The following MORC1 variants were observed in gnomAD, a reference collection of about 807,000 sequenced individuals.
The protein encoded by MORC1 is MORC family CW-type zinc finger 1, also known as MORC family CW-type zinc finger protein 1.
A neutral mutation model predicts 134.9 loss-of-function variants in MORC1; 59 were observed. The ratio of observed to expected loss-of-function variants is 0.44; its 90% confidence interval spans 0.35 to 0.54. The LOEUF (loss-of-function observed/expected upper bound fraction) is 0.54. Ranked by LOEUF, MORC1 falls within the 20% of genes least tolerant of loss-of-function variation. MORC1 has a pLI of 0.00. For synonymous variants in MORC1, 395 were observed against 391.7 expected, an observed-to-expected ratio of 1.01 and a Z score of -0.10; for missense variants, 947 against 1,134.5, an observed-to-expected ratio of 0.83 and a Z score of 2.37.
In MORC1 at chr3:108,959,043, C is replaced by T. The variant is rs1452679349; in HGVS notation, c.2877G>A (p.Gln959=). The change falls in exon 28 of 28, where the codon CAG becomes CAA. Residue 959 remains glutamine, a synonymous_variant. Coordinates refer to ENST00000232603, the MANE Select transcript of MORC1 (RefSeq NM_014429.4). ...CTATAGTTACTTTATTTAAATTGTT[C>T]TGGAAGAGAAGATTATCTTCTTTAA... The part of the protein sequence containing the change: ...ALLKEDNLLF[Q]NNLNKVTIDA... 6.4e-7 allele frequency: 1 copy of T among 1,564,872 alleles called. No individual in the cohort carries two copies. Among genetic ancestry groups the T allele is most frequent in the Non-Finnish European group, 8.6e-7 (1 of 1,156,788 alleles).
intron 8 of MORC1, among the ~76,000 whole-genome samples, chr3:109,083,453 A>G (rs536186051): frequency 4.9e-4 from 74 of 152,298 alleles, no homozygotes; most frequent in African/African-American, 1.7e-3. Flanking sequence ...AAAAACAATA[A>G]TATCTACAGC....
rs764395586 is a variant in MORC1, at chr3:108,963,544, T to C, written c.2669A>G (p.Tyr890Cys). ...KIKRKLQSIIYDSNTRGIHNE... is the reference protein window; with the variant it reads ...KIKRKLQSIICDSNTRGIHNE... ...ATGTATTCCTCTTGTATTTGAATCA[T>C]AGATAATGGACTGCAATTTCCTCTT... The change falls in exon 27 of 28, where the codon TAT (tyrosine) becomes TGT (cysteine). Residue 890 changes from tyrosine to cysteine, a missense_variant. Tyr to Cys is a radical substitution (Grantham distance 194). Around this residue, in one of 3 missense-constraint regions of MORC1, gnomAD observed 722 missense variants for 817.0 expected, o/e 0.88. Coordinates refer to ENST00000232603, the MANE Select transcript of MORC1 (RefSeq NM_014429.4). 3.8e-5 allele frequency: 61 copies of C among 1,604,444 alleles called. No individual in the cohort carries two copies. The highest frequency in any genetic ancestry group is 4.9e-5 in the Non-Finnish European group (57 of 1,174,764).
intron 14 of MORC1, 77 bp downstream of exon 14, chr3:109,054,651 T>G: frequency 7.9e-7 from 1 of 1,272,414 alleles, no homozygotes; most frequent in East Asian, 2.8e-5. Flanking sequence ...TGAATTCAGA[T>G]AATCATGTCA....
intron 9 of MORC1, among the ~76,000 whole-genome samples, chr3:109,067,189 C>A (rs374915485): frequency 1.3e-5 from 2 of 152,148 alleles, no homozygotes; most frequent in East Asian, 1.9e-4. Flanking sequence ...CTCATTTGGG[C>A]TCCTTTCAGC....
intron 8 of MORC1, among the ~76,000 whole-genome samples, chr3:109,081,023 C>T (rs1388000744): frequency 6.6e-6 from 1 of 151,996 alleles, no homozygotes; most frequent in Non-Finnish European, 1.5e-5. Flanking sequence ...CCTCCATGTA[C>T]ACACACTTTG....
chr3:108,974,510 G>C (rs1184948622), intron 24 of MORC1, among the ~76,000 whole-genome samples: 2 of 152,126 alleles, frequency 1.3e-5, no homozygotes, highest in Non-Finnish European at 2.9e-5. Flanking sequence ...CAGTGAGCCA[G>C]GAATCCATAA....
rs563901061 is a variant in MORC1 at position 108,958,378 on chromosome 3, A to C, written c.*587T>G. 1 of 151,984 alleles carries C rather than the reference A, an allele frequency of 6.6e-6. No homozygotes were observed. The highest frequency in any genetic ancestry group is 1.5e-5 in the Non-Finnish European group (1 of 67,932). The allele number at this position is 151,984 out of a possible 1,614,324, so 9.4% of individuals were successfully genotyped here. On this transcript the variant is annotated 3_prime_UTR_variant, in exon 28 of 28. Transcript: ENST00000232603. ...GTAAATGTAAAACAACAATTTTTAC[A>C]TATGTGTAATATGTATACATATTAT...
chr3:108,969,461 T>A (rs897665074), intron 26 of MORC1, among the ~76,000 whole-genome samples: 2 of 152,346 alleles, frequency 1.3e-5, no homozygotes, highest in South Asian at 4.1e-4. Context: ...AAGTGTTTCA[T>A]AGCTTTATGT....
At chr3:109,030,518 T>C (rs915481788) in intron 16 of MORC1, among the ~76,000 whole-genome samples, 10 of 152,234 alleles carry the variant, frequency 6.6e-5, no homozygotes, top group Admixed American at 5.9e-4. Flanking sequence ...CCTAAATTTC[T>C]TGCTGCCACT....
In MORC1 at chr3:109,000,624, A is replaced by C. The variant is rs374547928; in HGVS notation, c.2120T>G (p.Leu707Arg). Residue 707 changes from leucine to arginine, a missense_variant, in exon 21 of 28, where the codon CTG (leucine) becomes CGG (arginine). Around this residue, in one of 3 missense-constraint regions of MORC1, gnomAD observed 722 missense variants for 817.0 expected, o/e 0.88. Coordinates refer to ENST00000232603, the MANE Select transcript of MORC1 (RefSeq NM_014429.4). Reference protein sequence around the residue: ...ASWEMKRKQSLNFVEECKVLT... With the variant: ...ASWEMKRKQSRNFVEECKVLT... Reference sequence around the variant, plus strand: ...TACCTTACATTCCTCTACAAAGTTCAGACTCTGCTTCCTTTTCATTTCCCA... The same window carrying C: ...TACCTTACATTCCTCTACAAAGTTCCGACTCTGCTTCCTTTTCATTTCCCA... 6.2e-7 allele frequency: 1 copy of C among 1,611,216 alleles called. No individual in the cohort carries two copies. The highest frequency in any genetic ancestry group is 8.5e-7 in the Non-Finnish European group (1 of 1,179,024).
chr3:108,976,737 G>A (rs367744082), intron 24 of MORC1, among the ~76,000 whole-genome samples: 7 of 152,066 alleles, frequency 4.6e-5, no homozygotes, highest in East Asian at 3.9e-4. Context: ...ATATATTAAC[G>A]CATTCAGCTT....
chr3:109,049,688 A>G (rs1163581822), intron 14 of MORC1, among the ~76,000 whole-genome samples: 1 of 152,208 alleles, frequency 6.6e-6, no homozygotes, highest in Non-Finnish European at 1.5e-5. Flanking sequence ...ACAAGAACAC[A>G]TATTAATATT....
chr3:109,027,970 C>G (rs771443327), intron 16 of MORC1, 81 bp from the exon 17 acceptor site: 165 of 1,435,124 alleles, frequency 1.1e-4, no homozygotes, highest in Non-Finnish European at 1.5e-4. Flanking sequence ...TTTACTTCTA[C>G]AAGGAGTTAC....
At chr3:109,070,023 G>GCAACCA (rs1950283855) in intron 8 of MORC1, among the ~76,000 whole-genome samples, 1 of 152,152 alleles carries the variant, frequency 6.6e-6, no homozygotes, top group South Asian at 2.1e-4. Flanking sequence ...ATTCTAAGTA[G>GCAACCA]ACTTATAACA....
chr3:109,091,442 TAAAA>T (rs1202636038), intron 8 of MORC1, among the ~76,000 whole-genome samples: 235 of 22,386 alleles, frequency 0.01, no homozygotes, highest in East Asian at 0.086. Flanking sequence ...AGACTCCATC[TAAAA>T]AAATAAATAA....
intron 14 of MORC1, among the ~76,000 whole-genome samples, chr3:109,052,188 T>A (rs1196648816): frequency 6.6e-6 from 1 of 152,184 alleles, no homozygotes; most frequent in Non-Finnish European, 1.5e-5. Context: ...ATTTATACCT[T>A]ACACGTTTTC....
chr3:108,974,797 T>C (rs935743839), intron 24 of MORC1, among the ~76,000 whole-genome samples: 24 of 152,368 alleles, frequency 1.6e-4, no homozygotes, highest in Admixed American at 1.1e-3. Flanking sequence ...GAAATAAATA[T>C]CTTAAAGATA....
chr3:109,062,637 G>T (rs535808932), intron 10 of MORC1, among the ~76,000 whole-genome samples: 12 of 152,124 alleles, frequency 7.9e-5, no homozygotes, highest in South Asian at 2.1e-4. Context: ...AGCCAGGATG[G>T]TATCAATCTC....
chr3:109,084,992 C>A (rs1217307012), intron 8 of MORC1, among the ~76,000 whole-genome samples: 1 of 152,050 alleles, frequency 6.6e-6, no homozygotes, highest in Non-Finnish European at 1.5e-5. Context: ...ATACAAACAT[C>A]AAATCAAAGT....
Sources: allele counts gnomAD v4.1 joint callset (sites outside exome capture counted in the v4.1 genomes callset), GRCh38; gene constraint gnomAD v4.1.1; regional missense constraint gnomAD v4.1.1; transcripts MANE v1.5; gene names NCBI Gene and HGNC (gene_info 2026-07-23, HGNC 2026-07-21).